The following SCAMP1 variants were observed in gnomAD, a reference collection of about 807,000 sequenced individuals.
The protein encoded by SCAMP1 is secretory carrier-associated membrane protein 1.
Under a neutral mutation model 41.8 loss-of-function variants are expected in SCAMP1, and 15 were observed. The ratio of observed to expected loss-of-function variants is 0.36; its 90% CI spans 0.24 to 0.55. SCAMP1 has a LOEUF of 0.55. Ranked by LOEUF, SCAMP1 falls within the 20% of genes least tolerant of loss-of-function variation. The probability of loss-of-function intolerance (pLI) is 0.86; values close to 1 mark genes in which losing one functional copy is unlikely to be tolerated. For synonymous variants in SCAMP1, 135 were observed against 136.8 expected (o/e 0.99, Z 0.09); for missense variants, 341 against 412.6 (o/e 0.83, Z 1.50).
At chr5:78,457,444 G>A (rs929879575) in intron 7 of SCAMP1, among the ~76,000 whole-genome samples, 2 of 151,994 alleles carry the variant, frequency 1.3e-5, no homozygotes, top group Admixed American at 6.5e-5. Flanking sequence ...ATACCCTGTC[G>A]TGTAAGGTGT....
chr5:78,444,884 G>C (rs1052108431), intron 6 of SCAMP1, among the ~76,000 whole-genome samples: 2 of 152,164 alleles, frequency 1.3e-5, no homozygotes, highest in Non-Finnish European at 2.9e-5. Context: ...ATGTTCCACT[G>C]TTACCCCCAT....
intron 2 of SCAMP1, among the ~76,000 whole-genome samples, chr5:78,412,613 A>AG (rs1752108443): frequency 6.6e-6 from 1 of 151,910 alleles, no homozygotes; most frequent in East Asian, 1.9e-4. Context: ...TTGTTTTTCT[A>AG]TCTCATGGTT....
intron 6 of SCAMP1, among the ~76,000 whole-genome samples, chr5:78,442,936 A>G (rs1322655155): frequency 1.3e-5 from 2 of 152,104 alleles, no homozygotes; most frequent in East Asian, 1.9e-4. Context: ...GCTGGGTGCC[A>G]TGGCTCATGC....
intron 8 of SCAMP1, among the ~76,000 whole-genome samples, chr5:78,467,351 A>G (rs1429494497): frequency 6.6e-6 from 1 of 152,284 alleles, no homozygotes; most frequent in South Asian, 2.1e-4. Context: ...CAGGGTGTGG[A>G]GGAAGTGTTT....
intron 6 of SCAMP1, among the ~76,000 whole-genome samples, chr5:78,433,694 TTC>T (rs1580691771): frequency 6.6e-6 from 1 of 152,020 alleles, no homozygotes; most frequent in Non-Finnish European, 1.5e-5. Context: ...CAGAGAGGGC[TTC>T]TCTTCGCACA....
intron 8 of SCAMP1, among the ~76,000 whole-genome samples, chr5:78,469,913 C>CAAAA (rs1561290939): frequency 4.7e-4 from 11 of 23,236 alleles, no homozygotes; most frequent in South Asian, 1.7e-3. Flanking sequence ...AAAAAAAAAA[C>CAAAA]AAAAAAAAAA....
At chr5:78,399,851 A>G (rs1039375266) in intron 2 of SCAMP1, among the ~76,000 whole-genome samples, 2 of 152,214 alleles carry the variant, frequency 1.3e-5, no homozygotes, top group Non-Finnish European at 2.9e-5. Context: ...TTCTATCTAA[A>G]AAGTCATCAC....
In SCAMP1 at chr5:78,416,662, GA is replaced by G; in HGVS notation, c.343+16del. 1 of 1,539,326 alleles carries G rather than the reference GA, an allele frequency of 6.5e-7. No homozygotes were observed. The highest frequency in any genetic ancestry group is 8.8e-7 in the Non-Finnish European group (1 of 1,137,316). On this transcript the variant is annotated intron_variant, in intron 4 of 8. Transcript: ENST00000621999. Reference sequence around the variant, plus strand: ...CTCAGTCAACATGGTAGTATCCAAAGAAATTTGAAATAAAAATAACTTTTAA... The same window carrying G: ...CTCAGTCAACATGGTAGTATCCAAAGAATTTGAAATAAAAATAACTTTTAA...
At chr5:78,380,701 A>G (rs1340953183) in intron 1 of SCAMP1, among the ~76,000 whole-genome samples, 1 of 152,170 alleles carries the variant, frequency 6.6e-6, no homozygotes, top group Non-Finnish European at 1.5e-5. Context: ...AAGAAACAGA[A>G]TATCACCAGG....
At chr5:78,440,187 G>T (rs561159636) in intron 6 of SCAMP1, among the ~76,000 whole-genome samples, 1 of 152,170 alleles carries the variant, frequency 6.6e-6, no homozygotes, top group African/African-American at 2.4e-5. Context: ...ATTACGGATC[G>T]TCTGAAGCCT....
intron 6 of SCAMP1, among the ~76,000 whole-genome samples, chr5:78,444,080 T>C (rs906060654): frequency 6.6e-5 from 10 of 152,182 alleles, no homozygotes; most frequent in African/African-American, 2.4e-4. Flanking sequence ...GTGCTGCCTT[T>C]CAAGCCTACT....
At chr5:78,443,212 C>CA (rs398051015) in intron 6 of SCAMP1, among the ~76,000 whole-genome samples, 2,499 of 65,884 alleles carry the variant, frequency 0.038, 144 homozygotes, top group African/African-American at 0.082. Context: ...GACTCTGTCT[C>CA]AAAAAAAAAA....
intron 8 of SCAMP1, among the ~76,000 whole-genome samples, chr5:78,465,692 T>C (rs1370548874): frequency 6.6e-6 from 1 of 152,332 alleles, no homozygotes; most frequent in East Asian, 1.9e-4. Context: ...TACTTTTGTT[T>C]AGTAGATGCC....
chr5:78,470,484 C>T (rs1753860285), intron 8 of SCAMP1, among the ~76,000 whole-genome samples: 1 of 152,186 alleles, frequency 6.6e-6, no homozygotes, highest in African/African-American at 2.4e-5. Context: ...CGTGTTGCAG[C>T]ATGTATCAGA....
intron 2 of SCAMP1, among the ~76,000 whole-genome samples, chr5:78,412,807 G>A (rs963764221): frequency 6.6e-6 from 1 of 152,062 alleles, no homozygotes; most frequent in African/African-American, 2.4e-5. Flanking sequence ...TCTGTTATAT[G>A]CATTACAACT....
intron 2 of SCAMP1, among the ~76,000 whole-genome samples, chr5:78,394,450 T>C (rs1751598563): frequency 6.6e-6 from 1 of 152,148 alleles, no homozygotes; most frequent in Admixed American, 6.5e-5. Context: ...CTCAAACTCC[T>C]GGACTCAAGA....
In SCAMP1 at chr5:78,404,453, G is replaced by GTTTTTTTTTTTTTT. The variant is rs3058233; in HGVS notation, c.136-11060_136-11047dup. Among the ~76,000 whole-genome samples, 567 of 98,146 alleles carry GTTTTTTTTTTTTTT rather than the reference G, an allele frequency of 5.8e-3. 59 individuals carry two copies. Among genetic ancestry groups the GTTTTTTTTTTTTTT allele is most frequent in the African/African-American group, 0.024 (536 of 22,210 alleles). The allele number at this position is 98,146 out of a possible 152,430, so 64.4% of individuals were successfully genotyped here. A position where few individuals can be genotyped will look rare whatever the true frequency, so the allele number is the denominator to read the frequency against. On this transcript the variant is annotated intron_variant, in intron 2 of 8. Coordinates refer to ENST00000621999, the MANE Select transcript of SCAMP1 (RefSeq NM_004866.6). The stretch of plus-strand genomic sequence containing the variant: ...TGAGCCACTGTGCCCAGCCTTACAG[G>GTTTTTTTTTTTTTT]TTTTTTTTTTTTTTTTTTTTGCTAG...
intron 7 of SCAMP1, among the ~76,000 whole-genome samples, chr5:78,453,116 T>G (rs1753284995): frequency 6.6e-6 from 1 of 150,770 alleles, no homozygotes; most frequent in Non-Finnish European, 1.5e-5. Context: ...TTGCGAAAAT[T>G]TTCTCCCATT....
intron 2 of SCAMP1, among the ~76,000 whole-genome samples, chr5:78,393,492 A>G (rs1751570068): frequency 6.6e-6 from 1 of 152,194 alleles, no homozygotes; most frequent in Non-Finnish European, 1.5e-5. Flanking sequence ...TATAACTTAT[A>G]TATTCACCAT....
Sources: allele counts gnomAD v4.1 joint callset (sites outside exome capture counted in the v4.1 genomes callset), GRCh38; gene constraint gnomAD v4.1.1; transcripts MANE v1.5; gene names NCBI Gene and HGNC (gene_info 2026-07-23, HGNC 2026-07-21).